Variants in PEX5 observed in about 807,000 individuals in gnomAD.
PEX5 encodes peroxisomal biogenesis factor 5, also known as PTS1 receptor.
Under a neutral mutation model 82.9 loss-of-function variants are expected in PEX5, and 52 were observed. The ratio of observed to expected loss-of-function variants is 0.63; its 90% CI spans 0.50 to 0.79. The LOEUF is 0.79. Ranked by LOEUF, PEX5 falls within the 30% of genes least tolerant of loss-of-function variation. The pLI, the probability that PEX5 is intolerant of heterozygous loss-of-function variation, is 0.00. For missense variants in PEX5, 719 were observed against 815.2 expected (o/e 0.88, Z 1.44); for synonymous variants, 300 against 318.8 (o/e 0.94, Z 0.63).
chr12:7,197,146 A>T (rs1380066570), intron 5 of PEX5, among the ~76,000 whole-genome samples: 3 of 96,100 alleles, frequency 3.1e-5, no homozygotes, highest in African/African-American at 1.2e-4. Flanking sequence ...ATAATGTAAT[A>T]ATTATATATG....
chr12:7,201,374 G>A (rs756602239), intron 6 of PEX5, among the ~76,000 whole-genome samples: 1 of 152,062 alleles, frequency 6.6e-6, no homozygotes, highest in East Asian at 1.9e-4. Flanking sequence ...GAGGAAGGGA[G>A]TTTTCAGACT....
At chr12:7,204,758 G>A (rs1035185543) in intron 10 of PEX5, among the ~76,000 whole-genome samples, 4 of 151,880 alleles carry the variant, frequency 2.6e-5, no homozygotes, top group Non-Finnish European at 1.5e-5. Context: ...TACTAGTTTT[G>A]TATGAGCAGC....
upstream of PEX5, chr12:7,189,616 T>C (rs777268877): frequency 8.1e-5 from 24 of 297,258 alleles, no homozygotes; most frequent in African/African-American, 4.8e-4. Context: ...CAGCTTCCGC[T>C]GGGCCTGGGC....
intron 17 of PEX5, among the ~76,000 whole-genome samples, chr12:7,216,639 T>C (rs1308343011): frequency 6.6e-6 from 1 of 152,204 alleles, no homozygotes; most frequent in Non-Finnish European, 1.5e-5. Flanking sequence ...TCTGTAACTA[T>C]ATATTTGAAT....
rs886049822 is a variant in PEX5, at chr12:7,189,712, C to T, written c.-55C>T. ...TCTTCTCCCCTCCCCCAAGCCAGCA[C>T]CTGGTGCCCCGGCGGGTCGTGCGGC... On this transcript the variant is annotated 5_prime_UTR_variant, in exon 1 of 16. Coordinates refer to ENST00000675855, the MANE Select transcript of PEX5 (RefSeq NM_001351132.2). 2.6e-6 allele frequency: 1 copy of T among 379,316 alleles called. No homozygotes were observed. The highest frequency in any genetic ancestry group is 1.2e-4 in the South Asian group (1 of 8,006). The allele number at this position is 379,316 out of a possible 1,614,324, so 23.5% of individuals were successfully genotyped here. A position where few individuals can be genotyped will look rare whatever the true frequency, so the allele number is the denominator to read the frequency against.
intron 14 of PEX5, 36 bp from the exon 15 acceptor site, chr12:7,209,647 C>A: frequency 1.2e-6 from 2 of 1,611,126 alleles, no homozygotes; most frequent in South Asian, 1.1e-5. Flanking sequence ...TGAGCTGAGT[C>A]AAGCTGTTCC....
chr12:7,209,821 A>G lies in PEX5; in HGVS notation c.1699A>G (p.Ile567Val). Reference protein sequence around the residue: ...RSRYNLGISCINLGAHREAVE... With the variant: ...RSRYNLGISCVNLGAHREAVE... ...CCGCTATAACCTGGGCATCAGCTGC[A>G]TCAACCTCGGGGCTCACCGGTGAGA... The change falls in exon 15 of 16, where the codon ATC becomes GTC. Residue 567 changes from isoleucine to valine, a missense_variant. By Grantham distance (29) the Ile-to-Val change is conservative. Coordinates refer to ENST00000675855, the MANE Select transcript of PEX5 (RefSeq NM_001351132.2). 1 of 1,614,176 alleles carries G rather than the reference A, an allele frequency of 6.2e-7. No individual in the cohort carries two copies. The highest frequency in any genetic ancestry group is 1.7e-5 in the Admixed American group (1 of 60,030).
rs768436855 is a variant in PEX5 at position 7,207,999 on chromosome 12, C to A, written c.1111-11C>A. 1.2e-6 allele frequency: 2 copies of A among 1,610,218 alleles called. No homozygotes were observed. The highest frequency in any genetic ancestry group is 1.1e-5 in the South Asian group (1 of 91,010). Reference sequence around the variant, plus strand: ...AATATGGGGTGATGGAATCTGTCAACTTCCCTCTAGGCTTGGCAGTATCTG... The same window carrying A: ...AATATGGGGTGATGGAATCTGTCAAATTCCCTCTAGGCTTGGCAGTATCTG... On this transcript the variant is annotated splice_polypyrimidine_tract_variant and intron_variant, in intron 11 of 15. Coordinates refer to ENST00000675855, the MANE Select transcript of PEX5 (RefSeq NM_001351132.2).
rs1942865182 is a variant in PEX5 at position 7,197,394 on chromosome 12, A to ATATATGTCATATACAATGTAATAAT, written c.449-1612_449-1611insGTCATATACAATGTAATAATTATAT. On this transcript the variant is annotated intron_variant, in intron 5 of 15. Coordinates refer to ENST00000675855, the MANE Select transcript of PEX5 (RefSeq NM_001351132.2). Reference sequence around the variant, plus strand: ...ATATGTCATATACAATGTAATAATTATATATATGTCATATACAATGTAATT... The same window carrying ATATATGTCATATACAATGTAATAAT: ...ATATGTCATATACAATGTAATAATTATATATGTCATATACAATGTAATAATTATATATGTCATATACAATGTAATT... Among the ~76,000 whole-genome samples the ATATATGTCATATACAATGTAATAAT allele has an allele frequency of 2.8e-4, 14 of 50,054 alleles. 2 individuals are homozygous for ATATATGTCATATACAATGTAATAAT. The highest frequency in any genetic ancestry group is 6.3e-4 in the African/African-American group (7 of 11,052). 32.8% of individuals were successfully genotyped at this position (50,054 alleles called of 152,430 possible). A position where few individuals can be genotyped will look rare whatever the true frequency, so the allele number is the denominator to read the frequency against.
chr12:7,203,634 G>A lies in PEX5; in HGVS notation c.966+83G>A, dbSNP rs1055591118. The stretch of plus-strand genomic sequence containing the variant: ...TCCTTTAATCCTGAATTTGAAGGGT[G>A]CTTTTAAGTATTTTCTTGAGTCCCT... On this transcript the variant is annotated intron_variant, in intron 10 of 15. Coordinates refer to ENST00000675855, the MANE Select transcript of PEX5 (RefSeq NM_001351132.2). 1.2e-5 allele frequency: 16 copies of A among 1,366,200 alleles called. No homozygotes were observed. In the African/African-American group the frequency reaches 1.9e-4, roughly 16 times the overall value. The allele number at this position is 1,366,200 out of a possible 1,614,324, so 84.6% of individuals were successfully genotyped here.
chr12:7,200,435 A>C (rs1309451645), intron 6 of PEX5, among the ~76,000 whole-genome samples: 1 of 150,204 alleles, frequency 6.7e-6, no homozygotes, highest in African/African-American at 2.5e-5. Flanking sequence ...GGCTCCTCAC[A>C]TCCCAGACGA....
chr12:7,201,663 A>G, intron 6 of PEX5, 88 bp from the exon 7 acceptor site: 1 of 941,440 alleles, frequency 1.1e-6, no homozygotes. Flanking sequence ...CCTCACAGGA[A>G]CTGTCATTGT....
chr12:7,206,896 A>T (rs898803811), intron 10 of PEX5, among the ~76,000 whole-genome samples: 1 of 152,200 alleles, frequency 6.6e-6, no homozygotes, highest in Non-Finnish European at 1.5e-5. Flanking sequence ...CAGATTTTGC[A>T]GCTTACTAGT....
At chr12:7,201,269 A>AGATACATGCG (rs1943955702) in intron 6 of PEX5, among the ~76,000 whole-genome samples, 2 of 104,546 alleles carry the variant, frequency 1.9e-5, no homozygotes, top group East Asian at 4.9e-4. Context: ...GTACACATGT[A>AGATACATGCG]TACACACACA....
At chr12:7,205,575 G>C (rs1308845863) in intron 10 of PEX5, among the ~76,000 whole-genome samples, 1 of 152,210 alleles carries the variant, frequency 6.6e-6, no homozygotes, top group Non-Finnish European at 1.5e-5. Context: ...GAGCAGACCA[G>C]ACCGTGTATC....
chr12:7,204,247 T>C (rs1944489509), intron 10 of PEX5, among the ~76,000 whole-genome samples: 1 of 152,142 alleles, frequency 6.6e-6, no homozygotes, highest in Admixed American at 6.5e-5. Flanking sequence ...ATCACTTGGT[T>C]TTGAAAAAAG....
chr12:7,211,732 A>G (rs1945588665), downstream of PEX5, among the ~76,000 whole-genome samples: 1 of 152,114 alleles, frequency 6.6e-6, no homozygotes, highest in Admixed American at 6.5e-5. Flanking sequence ...GTGCCATATA[A>G]TTGTTAGGTT....
At chr12:7,197,963 CAG>C (rs1388289808) in intron 5 of PEX5, among the ~76,000 whole-genome samples, 1 of 152,016 alleles carries the variant, frequency 6.6e-6, no homozygotes, top group African/African-American at 2.4e-5. Flanking sequence ...GTTCTGGACA[CAG>C]GGCAGAAGGA....
intron 7 of PEX5, 148 bp from the exon 8 acceptor site, chr12:7,202,093 C>G (rs771594796): frequency 1.6e-6 from 2 of 1,280,510 alleles, no homozygotes; most frequent in South Asian, 1.3e-5. Context: ...TCTTTTTGCT[C>G]TCTACCTCTT....
Sources: allele counts gnomAD v4.1 joint callset (sites outside exome capture counted in the v4.1 genomes callset), GRCh38; gene constraint gnomAD v4.1.1; transcripts MANE v1.5; gene names NCBI Gene and HGNC (gene_info 2026-07-23, HGNC 2026-07-21).